LZTFL1: variants seen among roughly 807,000 people sequenced by gnomAD.
LZTFL1 encodes the protein leucine zipper transcription factor-like protein 1.
A neutral mutation model predicts 45.9 loss-of-function variants in LZTFL1; 25 were observed. That is an observed-to-expected ratio of 0.54 (90% CI 0.40 to 0.76). The LOEUF (loss-of-function observed/expected upper bound fraction) is 0.76, where lower values mean the gene tolerates loss of function less well. Ranked by LOEUF, LZTFL1 falls within the 30% of genes least tolerant of loss-of-function variation. The pLI, the probability that LZTFL1 is intolerant of heterozygous loss-of-function variation, is 0.00. For missense variants in LZTFL1, 277 were observed against 331.1 expected (o/e 0.84, Z 1.27); for synonymous variants, 93 against 117.4 (o/e 0.79, Z 1.35).
At chr3:45,883,766 A>G (rs779579531) in intron 2 of LZTFL1, 5 of 569,610 alleles carry the variant, frequency 8.8e-6, no homozygotes, top group Non-Finnish European at 1.6e-5. Context: ...ATGCATCCCC[A>G]TGAACACAGT....
Position 45,882,735 on chromosome 3 carries a change from T to C in LZTFL1, c.-214-23719A>G, listed in dbSNP as rs542875770. ...GTGGATTGCTGTTTCTAGTCCACAG[T>C]TATTCCTGAAATGCTCTTCAGTTGC... On this transcript the variant is annotated intron_variant, in intron 2 of 4. Transcript: ENST00000472635. 4.6e-5 allele frequency among the ~76,000 whole-genome samples: 7 copies of C among 152,106 alleles called. No homozygotes were observed. The South Asian group carries it at 1.5e-3, about 32-fold the overall frequency.
At chr3:45,880,573 CA>C (rs1266556892) in intron 2 of LZTFL1, among the ~76,000 whole-genome samples, 1 of 152,168 alleles carries the variant, frequency 6.6e-6, no homozygotes, top group Non-Finnish European at 1.5e-5. Flanking sequence ...CACCTGGCAT[CA>C]GGTGAAAACT....
intron 2 of LZTFL1, among the ~76,000 whole-genome samples, chr3:45,865,790 CTGAG>C (rs1701569367): frequency 6.6e-6 from 1 of 152,172 alleles, no homozygotes; most frequent in South Asian, 2.1e-4. Flanking sequence ...CATTTCACTC[CTGAG>C]TGTTTACCCA....
At chr3:45,875,477 T>A (rs775749653) in intron 2 of LZTFL1, among the ~76,000 whole-genome samples, 2 of 146,638 alleles carry the variant, frequency 1.4e-5, no homozygotes, top group Admixed American at 6.6e-5. Context: ...CTTGGACAAA[T>A]CCCTTGATCT....
intron 2 of LZTFL1, among the ~76,000 whole-genome samples, chr3:45,870,676 A>G (rs1701657705): frequency 6.6e-6 from 1 of 152,256 alleles, no homozygotes; most frequent in African/African-American, 2.4e-5. Context: ...AGATAGAAAT[A>G]CTTATAGGAA....
intron 2 of LZTFL1, among the ~76,000 whole-genome samples, chr3:45,881,479 G>T (rs915981469): frequency 7.2e-4 from 109 of 152,170 alleles, no homozygotes; most frequent in African/African-American, 2.6e-3. Context: ...TGCTGCTGCT[G>T]CAGGGTGCGG....
intron 2 of LZTFL1, among the ~76,000 whole-genome samples, chr3:45,882,430 CT>C (rs1701876997): frequency 6.6e-6 from 1 of 152,176 alleles, no homozygotes; most frequent in African/African-American, 2.4e-5. Flanking sequence ...CCCCAATATG[CT>C]TTTGAAATAT....
chr3:45,902,659 G>A (rs201519911), intron 2 of LZTFL1: 3 of 167,126 alleles, frequency 1.8e-5, no homozygotes, highest in African/African-American at 7.2e-5. Flanking sequence ...TCTCTCCATG[G>A]CCTGAGCAGG....
chr3:45,905,204 C>T (rs1702657539), intron 2 of LZTFL1, among the ~76,000 whole-genome samples: 1 of 152,204 alleles, frequency 6.6e-6, no homozygotes, highest in Admixed American at 6.5e-5. Context: ...ATTCCCCTCC[C>T]AGCCAAGACA....
At chr3:45,896,299 G>A (rs1702353945) in intron 2 of LZTFL1, among the ~76,000 whole-genome samples, 1 of 152,216 alleles carries the variant, frequency 6.6e-6, no homozygotes, top group African/African-American at 2.4e-5. Context: ...ACTCTGCAAA[G>A]CAGCCCCAGA....
intron 2 of LZTFL1, among the ~76,000 whole-genome samples, chr3:45,899,814 AG>A (rs1481881319): frequency 2.0e-5 from 3 of 152,174 alleles, no homozygotes; most frequent in African/African-American, 4.8e-5. Context: ...GTTTGACTCA[AG>A]GGCTTACATC....
intron 2 of LZTFL1, among the ~76,000 whole-genome samples, chr3:45,881,487 C>G (rs563681492): frequency 2.0e-5 from 3 of 152,010 alleles, no homozygotes; most frequent in Non-Finnish European, 4.4e-5. Context: ...CTGCAGGGTG[C>G]GGGCCCCCTC....
chr3:45,913,866 G>A (rs971177796), intron 1 of LZTFL1, among the ~76,000 whole-genome samples: 2 of 152,150 alleles, frequency 1.3e-5, no homozygotes, highest in Non-Finnish European at 2.9e-5. Flanking sequence ...TGGATTTGGG[G>A]AAGGGGATGT....
At chr3:45,909,730 C>T (rs557521845) in intron 2 of LZTFL1, among the ~76,000 whole-genome samples, 34 of 152,364 alleles carry the variant, frequency 2.2e-4, no homozygotes, top group African/African-American at 5.8e-4. Context: ...GCAGCAAGCT[C>T]GGAAAGGCCT....
At chr3:45,848,346 T>G (rs1701251343) in intron 4 of LZTFL1, among the ~76,000 whole-genome samples, 1 of 152,230 alleles carries the variant, frequency 6.6e-6, no homozygotes, top group South Asian at 2.1e-4. Context: ...ACATATCAAG[T>G]AATTCAACTT....
intron 2 of LZTFL1, among the ~76,000 whole-genome samples, chr3:45,898,168 G>T (rs996252438): frequency 2.0e-5 from 3 of 152,166 alleles, no homozygotes; most frequent in Non-Finnish European, 4.4e-5. Context: ...GATGTCCACT[G>T]TGGGGTCTCC....
At position 45,901,581 on chromosome 3, in the gene LZTFL1, T is replaced by C; in HGVS notation, c.-215+11539A>G. 3 of 1,614,226 alleles carry C rather than the reference T, an allele frequency of 1.9e-6. No individual in the cohort carries two copies. Among genetic ancestry groups the C allele is most frequent in the Non-Finnish European group, 2.5e-6 (3 of 1,180,026 alleles). On this transcript the variant is annotated intron_variant, in intron 2 of 4. Coordinates refer to the LZTFL1 transcript ENST00000472635. This position sits in a 1 kb window ranked among gnomAD's most constrained non-coding sequence, Gnocchi z 4.3. ...CATCACTGTCCTGACCGTCTTTGTC[T>C]TGTCTCAGTTTCCCTACAACTGCAT...
At chr3:45,865,530 G>C (rs1472767045) in intron 2 of LZTFL1, among the ~76,000 whole-genome samples, 1 of 152,240 alleles carries the variant, frequency 6.6e-6, no homozygotes, top group Non-Finnish European at 1.5e-5. Flanking sequence ...AACTTTTAAT[G>C]ATAAATATGT....
At chr3:45,841,598 ATG>A (rs370563610) in intron 1 of LZTFL1, 26 of 263,108 alleles carry the variant, frequency 9.9e-5, no homozygotes, top group Non-Finnish European at 1.0e-4. Flanking sequence ...GTATGTGTTA[ATG>A]TGTGTGTGTG....
Sources: gnomAD v4.1 joint callset for allele counts (sites outside exome capture counted in the v4.1 genomes callset) on GRCh38, gnomAD v4.1.1 for gene constraint, Gnocchi (gnomAD v3.1) non-coding constraint, MANE v1.5 for transcripts, NCBI Gene and HGNC (gene_info 2026-07-23, HGNC 2026-07-21) for gene names.